Variants in TMEM266 observed in about 807,000 individuals in gnomAD.
The protein encoded by TMEM266 is Hv1 related protein 1.
A neutral mutation model predicts 50.5 loss-of-function variants in TMEM266; 33 were observed. The ratio of observed to expected loss-of-function variants is 0.65; its 90% CI spans 0.50 to 0.87. TMEM266 has a LOEUF of 0.87. Ranked by LOEUF, TMEM266 falls within the 40% of genes least tolerant of loss-of-function variation. The pLI is 0.00. For missense variants in TMEM266, 655 were observed against 695.1 expected (o/e 0.94, Z 0.65); for synonymous variants, 310 against 292.3 (o/e 1.06, Z -0.62).
At chr15:76,095,528 G>A (rs1278103920) in intron 1 of TMEM266, among the ~76,000 whole-genome samples, 1 of 152,048 alleles carries the variant, frequency 6.6e-6, no homozygotes, top group Non-Finnish European at 1.5e-5. Context: ...GTATTTTATT[G>A]AGGATTTTCG....
At chr15:76,142,465 A>G (rs2037695508) in intron 3 of TMEM266, among the ~76,000 whole-genome samples, 1 of 152,206 alleles carries the variant, frequency 6.6e-6, no homozygotes, top group African/African-American at 2.4e-5. Context: ...TTGCTGGCTG[A>G]CAGGGTAATT....
chr15:76,116,226 G>A (rs1417286554), intron 1 of TMEM266, among the ~76,000 whole-genome samples: 1 of 151,802 alleles, frequency 6.6e-6, no homozygotes, highest in Non-Finnish European at 1.5e-5. Context: ...CCAAGCTCCG[G>A]GAGACACACA....
intron 5 of TMEM266, among the ~76,000 whole-genome samples, chr15:76,162,956 A>G (rs1207941127): frequency 1.3e-5 from 2 of 152,168 alleles, no homozygotes; most frequent in Non-Finnish European, 2.9e-5. Flanking sequence ...ACTCCACAGG[A>G]AATTCCAAGA....
rs1409454559 is a variant in TMEM266 at position 76,156,615 on chromosome 15, T to C, written c.239T>C (p.Leu80Pro). Residue 80 changes from leucine (L) to proline (P), a missense_variant, in exon 4 of 11, where the codon CTG becomes CCG. Leu to Pro is a moderately conservative substitution (Grantham distance 98, BLOSUM62 -3). Coordinates refer to ENST00000388942, the MANE Select transcript of TMEM266 (RefSeq NM_152335.3). ...TTTTGTCCCCACAGGTCTAACTGGC[T>C]GAAGCCGTGCTGTGGGAAGAGAGCA... 1.2e-6 allele frequency: 2 copies of C among 1,614,048 alleles called. No individual in the cohort carries two copies. The highest frequency in any genetic ancestry group is 1.3e-5 in the African/African-American group (1 of 75,068).
At chr15:76,170,336 C>T (rs2959855) in intron 6 of TMEM266, among the ~76,000 whole-genome samples, 149,890 of 152,262 alleles carry the variant, frequency 0.98, 73,820 homozygotes, top group South Asian at 1. Context: ...GGCAAGGCGG[C>T]CAGATCTGCT....
At chr15:76,179,335 A>T (rs1242581578) in intron 8 of TMEM266, among the ~76,000 whole-genome samples, 2 of 152,284 alleles carry the variant, frequency 1.3e-5, no homozygotes, top group African/African-American at 4.8e-5. Context: ...GATGGGTAGC[A>T]ACTAATGGGT....
chr15:76,159,581 C>T (rs1012690910), intron 4 of TMEM266, among the ~76,000 whole-genome samples: 7 of 152,164 alleles, frequency 4.6e-5, no homozygotes, highest in Non-Finnish European at 8.8e-5. Context: ...AACACACTGG[C>T]CGACACCACC....
rs568282498 is a variant in TMEM266 at position 76,187,046 on chromosome 15, C to T, written c.769-4922C>T. 2.2e-4 allele frequency among the ~76,000 whole-genome samples: 33 copies of T among 152,334 alleles called. 1 individual carries two copies. Among genetic ancestry groups the T allele is most frequent in the Admixed American group, 2.1e-3 (32 of 15,302 alleles). On this transcript the variant is annotated intron_variant, in intron 8 of 10. Coordinates refer to ENST00000388942, the MANE Select transcript of TMEM266 (RefSeq NM_152335.3). Reference sequence around the variant, plus strand: ...CAGCTGACAGCCCGCCTTGTTGGGGCTATCCAGGTTTTACCTGCAAGCTGA... The same window carrying T: ...CAGCTGACAGCCCGCCTTGTTGGGGTTATCCAGGTTTTACCTGCAAGCTGA...
chr15:76,163,588 C>T (rs1396743627), intron 5 of TMEM266, among the ~76,000 whole-genome samples: 2 of 152,222 alleles, frequency 1.3e-5, no homozygotes, highest in Non-Finnish European at 2.9e-5. Context: ...AAGCGCAGCC[C>T]CGCCCTTGGC....
chr15:76,140,521 T>G (rs750130176), intron 3 of TMEM266, among the ~76,000 whole-genome samples: 2 of 152,188 alleles, frequency 1.3e-5, no homozygotes, highest in African/African-American at 2.4e-5. Context: ...GAACCTTTTC[T>G]GTAGGGAATG....
At chr15:76,103,281 T>C (rs1368747933) in intron 1 of TMEM266, among the ~76,000 whole-genome samples, 4 of 151,866 alleles carry the variant, frequency 2.6e-5, no homozygotes, top group Admixed American at 6.6e-5. Flanking sequence ...GGCAGGAGGA[T>C]TGCTTGAGCC....
intron 3 of TMEM266, among the ~76,000 whole-genome samples, chr15:76,146,199 G>T (rs900108805): frequency 1.3e-5 from 2 of 152,192 alleles, no homozygotes; most frequent in South Asian, 2.1e-4. Flanking sequence ...AGGAGAAATG[G>T]TGGTGCAAGG....
chr15:76,133,649 A>C (rs531367718), intron 1 of TMEM266, among the ~76,000 whole-genome samples: 88 of 152,232 alleles, frequency 5.8e-4, no homozygotes, highest in African/African-American at 2.0e-3. Context: ...TGAGGCTCTG[A>C]CTGTGGCAGC....
intron 1 of TMEM266, among the ~76,000 whole-genome samples, chr15:76,115,073 C>G (rs1381923190): frequency 6.6e-6 from 1 of 152,154 alleles, no homozygotes; most frequent in Non-Finnish European, 1.5e-5. Flanking sequence ...GAGTTTGAGA[C>G]CAGCCTGGGC....
chr15:76,069,159 A>AT (rs2036494329), intron 1 of TMEM266, among the ~76,000 whole-genome samples: 1 of 152,242 alleles, frequency 6.6e-6, no homozygotes, highest in Non-Finnish European at 1.5e-5. Flanking sequence ...CGAACATGTC[A>AT]TACTGAACTC....
chr15:76,159,973 A>T, intron 4 of TMEM266, 122 bp from the exon 5 acceptor site: 2 of 901,892 alleles, frequency 2.2e-6, no homozygotes, highest in Non-Finnish European at 3.6e-6. Flanking sequence ...TTTCCACCAG[A>T]TCTAAACGTT....
At chr15:76,108,655 C>G (rs1469890204) in intron 1 of TMEM266, among the ~76,000 whole-genome samples, 2 of 152,148 alleles carry the variant, frequency 1.3e-5, no homozygotes, top group Non-Finnish European at 2.9e-5. Flanking sequence ...AACTGGGGGC[C>G]TGTGCACCTG....
intron 1 of TMEM266, among the ~76,000 whole-genome samples, chr15:76,105,556 T>C (rs1266921485): frequency 6.6e-6 from 1 of 152,270 alleles, no homozygotes; most frequent in Admixed American, 6.5e-5. Context: ...CACTATTCAA[T>C]CTTCCATTGT....
At chr15:76,062,222 A>T (rs2955774) in intron 1 of TMEM266, among the ~76,000 whole-genome samples, 6,253 of 152,306 alleles carry the variant, frequency 0.041, 452 homozygotes, top group African/African-American at 0.14. Flanking sequence ...AATTATTTGG[A>T]AAGTATATCC....
Sources: allele counts gnomAD v4.1 joint callset (sites outside exome capture counted in the v4.1 genomes callset), GRCh38; gene constraint gnomAD v4.1.1; transcripts MANE v1.5; gene names NCBI Gene and HGNC (gene_info 2026-07-23, HGNC 2026-07-21).